Variants in CDK6 observed in about 807,000 individuals in gnomAD.
CDK6 encodes the protein cyclin-dependent kinase 6.
CDK6 carries 6 observed loss-of-function variants against 37.1 expected under a neutral mutation model. The observed-to-expected ratio is 0.16, with a 90% CI of 0.09 to 0.32. CDK6 has a LOEUF of 0.32. CDK6 is among the 10% of genes least tolerant of loss of function. The pLI, the probability that CDK6 is intolerant of heterozygous loss-of-function variation, is 1.00. For missense variants in CDK6, 224 were observed against 418.9 expected, an observed-to-expected ratio of 0.53 and a Z score of 4.06; for synonymous variants, 160 against 161.3, an observed-to-expected ratio of 0.99 and a Z score of 0.06.
intron 5 of CDK6, among the ~76,000 whole-genome samples, chr7:92,635,750 C>T (rs1796155658): frequency 6.6e-6 from 1 of 152,074 alleles, no homozygotes; most frequent in South Asian, 2.1e-4. Flanking sequence ...ATCTTTGGCC[C>T]AAATCTCTAG....
chr7:92,721,870 A>G (rs1798375205), intron 4 of CDK6, among the ~76,000 whole-genome samples: 1 of 152,224 alleles, frequency 6.6e-6, no homozygotes, highest in Non-Finnish European at 1.5e-5. Context: ...AATAAAGATC[A>G]TAATATAAAG....
chr7:92,785,068 G>A (rs948537584), intron 2 of CDK6, among the ~76,000 whole-genome samples: 1 of 152,016 alleles, frequency 6.6e-6, no homozygotes, highest in African/African-American at 2.4e-5. Flanking sequence ...GAATGATGAC[G>A]CAGTGAAGGT....
At chr7:92,746,060 CA>C (rs1370015994) in intron 3 of CDK6, among the ~76,000 whole-genome samples, 3 of 152,124 alleles carry the variant, frequency 2.0e-5, no homozygotes, top group Non-Finnish European at 4.4e-5. Context: ...GGCTTTCCCC[CA>C]ACTCAACACT....
intron 3 of CDK6, among the ~76,000 whole-genome samples, chr7:92,746,929 G>T (rs1469182919): frequency 6.6e-6 from 1 of 151,680 alleles, no homozygotes; most frequent in Admixed American, 6.6e-5. Context: ...TATCAATTTT[G>T]CTGGATTGTA....
chr7:92,751,387 T>C (rs540216817), intron 3 of CDK6, among the ~76,000 whole-genome samples: 2 of 152,314 alleles, frequency 1.3e-5, no homozygotes, highest in South Asian at 4.1e-4. Context: ...TTAAAGTTCA[T>C]GTATCATGTG....
chr7:92,681,535 A>C (rs1797336628), intron 4 of CDK6, among the ~76,000 whole-genome samples: 1 of 152,220 alleles, frequency 6.6e-6, no homozygotes, highest in African/African-American at 2.4e-5. Context: ...AGGTCAAAGT[A>C]AGCTTCCAGT....
chr7:92,789,845 A>G (rs2115849504), intron 2 of CDK6, among the ~76,000 whole-genome samples: 1 of 152,352 alleles, frequency 6.6e-6, no homozygotes, highest in East Asian at 1.9e-4. Flanking sequence ...CAAGCATCAT[A>G]GAACAGAGAC....
chr7:92,754,788 A>G (rs2115694275), intron 3 of CDK6, among the ~76,000 whole-genome samples: 1 of 152,262 alleles, frequency 6.6e-6, no homozygotes, highest in Middle Eastern at 3.4e-3. Context: ...TGTGCTCCCT[A>G]AAAGTCACCA....
At chr7:92,798,839 C>T (rs908791044) in intron 2 of CDK6, among the ~76,000 whole-genome samples, 6 of 152,168 alleles carry the variant, frequency 3.9e-5, no homozygotes, top group African/African-American at 1.4e-4. Context: ...ACACAAATGT[C>T]CTTTTCTTGT....
chr7:92,778,939 ATATAT>A (rs1562962881), intron 2 of CDK6, among the ~76,000 whole-genome samples: 1 of 144,114 alleles, frequency 6.9e-6, no homozygotes, highest in African/African-American at 2.6e-5. Context: ...ATATATATAT[ATATAT>A]ATAAGATATT....
intron 4 of CDK6, among the ~76,000 whole-genome samples, chr7:92,683,710 G>C (rs528640929): frequency 2.9e-4 from 30 of 103,642 alleles, no homozygotes; most frequent in African/African-American, 1.3e-3. Context: ...GGACTGTGGT[G>C]GGGGGGGGGT....
intron 4 of CDK6, among the ~76,000 whole-genome samples, chr7:92,685,731 A>G (rs951710395): frequency 2.0e-5 from 3 of 152,240 alleles, no homozygotes; most frequent in African/African-American, 7.2e-5. Flanking sequence ...CAAAAGAGAA[A>G]GACAGCCTAA....
At chr7:92,694,765 T>G (rs1797670854) in intron 4 of CDK6, among the ~76,000 whole-genome samples, 1 of 152,156 alleles carries the variant, frequency 6.6e-6, no homozygotes, top group Admixed American at 6.5e-5. Flanking sequence ...CCAAATTTAT[T>G]ACAAAATATG....
chr7:92,711,126 T>C (rs2116680328), intron 4 of CDK6, among the ~76,000 whole-genome samples: 1 of 152,304 alleles, frequency 6.6e-6, no homozygotes, highest in Admixed American at 6.5e-5. Context: ...TCTTAAATAA[T>C]TATCCTAAAA....
intron 5 of CDK6, among the ~76,000 whole-genome samples, chr7:92,638,435 T>C (rs1796225588): frequency 6.6e-6 from 1 of 152,140 alleles, no homozygotes; most frequent in Non-Finnish European, 1.5e-5. Context: ...TTGGTACCTT[T>C]ACCCACTCAT....
At chr7:92,695,553 A>G (rs1797697848) in intron 4 of CDK6, among the ~76,000 whole-genome samples, 1 of 152,262 alleles carries the variant, frequency 6.6e-6, no homozygotes, top group Non-Finnish European at 1.5e-5. Flanking sequence ...GCCCCGCTAA[A>G]TAAGCGTATC....
intron 3 of CDK6, among the ~76,000 whole-genome samples, chr7:92,730,692 G>C (rs1368690539): frequency 6.6e-6 from 1 of 152,182 alleles, no homozygotes; most frequent in Non-Finnish European, 1.5e-5. Context: ...GTTCATTCAT[G>C]TTGTGGTGTG....
At chr7:92,813,412 T>C (rs927866369) in intron 2 of CDK6, among the ~76,000 whole-genome samples, 9 of 152,212 alleles carry the variant, frequency 5.9e-5, no homozygotes, top group African/African-American at 2.2e-4. Flanking sequence ...CATATCTAAG[T>C]GCAATGAGTA....
At chr7:92,684,739 CA>C (rs1404116151) in intron 4 of CDK6, among the ~76,000 whole-genome samples, 1 of 151,754 alleles carries the variant, frequency 6.6e-6, no homozygotes, top group Non-Finnish European at 1.5e-5. Flanking sequence ...TTCTTGTTTA[CA>C]AAAAAACAAA....
Sources: gnomAD v4.1 joint callset for allele counts (sites outside exome capture counted in the v4.1 genomes callset) on GRCh38, gnomAD v4.1.1 for gene constraint, MANE v1.5 for transcripts, NCBI Gene and HGNC (gene_info 2026-07-23, HGNC 2026-07-21) for gene names.